WDR17: variants seen among roughly 807,000 people sequenced by gnomAD.
WDR17 encodes the protein WD repeat-containing protein 17.
A neutral mutation model predicts 161.7 loss-of-function variants in WDR17; 143 were observed. That is an observed-to-expected ratio of 0.88 (90% confidence interval 0.77 to 1.02). The LOEUF is 1.02. Ranked by LOEUF, WDR17 falls within the 50% of genes least tolerant of loss-of-function variation. WDR17 has a pLI of 0.00. For missense variants in WDR17, 1,469 were observed against 1,520.9 expected, an observed-to-expected ratio of 0.97 and a Z score of 0.57; for synonymous variants, 517 against 515.6, an observed-to-expected ratio of 1.00 and a Z score of -0.04.
At chr4:176,067,962 A>G (rs1171789899) in intron 1 of WDR17, among the ~76,000 whole-genome samples, 1 of 152,240 alleles carries the variant, frequency 6.6e-6, no homozygotes, top group African/African-American at 2.4e-5. Context: ...TTTGTTGCCT[A>G]AATACTTTAA....
chr4:176,111,835 T>C lies in WDR17; in HGVS notation c.123+132T>C. On this transcript the variant is annotated intron_variant, in intron 2 of 28. Coordinates refer to ENST00000508596, the MANE Select transcript of WDR17 (RefSeq NM_181265.4). ...CATTTATATTTATATTTTTAAAGTT[T>C]TGTGATTTATACCGTATAGGTTTTA... 3 of 894,730 alleles carry C rather than the reference T, an allele frequency of 3.4e-6. No individual in the cohort carries two copies. The South Asian group carries it at 1.2e-4, about 37-fold the overall frequency. The allele number at this position is 894,730 out of a possible 1,614,324, so 55.4% of individuals were successfully genotyped here.
At chr4:176,103,512 G>A (rs966287381) in intron 1 of WDR17, among the ~76,000 whole-genome samples, 1 of 151,946 alleles carries the variant, frequency 6.6e-6, no homozygotes, top group African/African-American at 2.4e-5. Flanking sequence ...TAAAACAACT[G>A]TCTTGGGATG....
chr4:176,167,631 C>T (rs1335602281), intron 22 of WDR17, among the ~76,000 whole-genome samples: 1 of 96,048 alleles, frequency 1.0e-5, no homozygotes, highest in Non-Finnish European at 1.8e-5. Context: ...TGGGCGACAG[C>T]GAGACTCCGT....
chr4:176,080,960 A>G (rs935102937), intron 1 of WDR17, among the ~76,000 whole-genome samples: 1 of 120,834 alleles, frequency 8.3e-6, no homozygotes, highest in African/African-American at 3.2e-5. Flanking sequence ...CTTTTAATAG[A>G]GCTTTATCGC....
intron 26 of WDR17, among the ~76,000 whole-genome samples, chr4:176,175,885 T>A (rs761914245): frequency 1.3e-5 from 2 of 152,140 alleles, no homozygotes; most frequent in Non-Finnish European, 2.9e-5. Flanking sequence ...TGAGTTCATA[T>A]GTGGCAGAGG....
chr4:176,161,705 A>G (rs1481052579), intron 20 of WDR17, among the ~76,000 whole-genome samples: 1 of 152,196 alleles, frequency 6.6e-6, no homozygotes, highest in African/African-American at 2.4e-5. Context: ...TGACATTTTA[A>G]AAAGCTAACA....
At chr4:176,086,368 A>C (rs1735418443) in intron 1 of WDR17, among the ~76,000 whole-genome samples, 1 of 151,798 alleles carries the variant, frequency 6.6e-6, no homozygotes, top group Non-Finnish European at 1.5e-5. Context: ...AGCTATTGAG[A>C]TTTGTTACTT....
chr4:176,099,701 C>T (rs1046501687), intron 1 of WDR17, among the ~76,000 whole-genome samples: 1 of 152,044 alleles, frequency 6.6e-6, no homozygotes, highest in Non-Finnish European at 1.5e-5. Flanking sequence ...GAATAATGTA[C>T]ATTGTACCAT....
chr4:176,131,005 CA>C (rs1161311881), intron 6 of WDR17, among the ~76,000 whole-genome samples: 1 of 151,616 alleles, frequency 6.6e-6, no homozygotes, highest in Non-Finnish European at 1.5e-5. Flanking sequence ...AAAAAACAAA[CA>C]AAAAAACATC....
intron 6 of WDR17, among the ~76,000 whole-genome samples, chr4:176,130,757 A>AG (rs1403608696): frequency 6.6e-6 from 1 of 151,954 alleles, no homozygotes; most frequent in African/African-American, 2.4e-5. Context: ...AAAAAAAAAA[A>AG]AAAAAACTGA....
At chr4:176,133,257 C>A (rs1432275090) in intron 7 of WDR17, among the ~76,000 whole-genome samples, 2 of 59,244 alleles carry the variant, frequency 3.4e-5, no homozygotes, top group Non-Finnish European at 6.8e-5. Flanking sequence ...TCTCCTCTCT[C>A]TAAAAAAAAA....
At chr4:176,114,919 G>A (rs1419078561) in intron 2 of WDR17, among the ~76,000 whole-genome samples, 3 of 151,646 alleles carry the variant, frequency 2.0e-5, no homozygotes. Flanking sequence ...GTGATCGGCT[G>A]TAATAGAGAA....
rs1468878586 is a variant in WDR17 at position 176,115,793 on chromosome 4, T to C, written c.124-3T>C. On this transcript the variant is annotated splice_region_variant and splice_polypyrimidine_tract_variant and intron_variant, in intron 2 of 28. Transcript: ENST00000508596. ...AATATTTTATTTATATATTTTGTTT[T>C]AGTTGGATCACCGTTATAATGAATT... is the stretch of plus-strand genomic sequence containing the variant. The C allele has an allele frequency of 6.3e-7, 1 of 1,584,998 alleles. No homozygotes were observed. Among genetic ancestry groups the C allele is most frequent in the Non-Finnish European group, 8.6e-7 (1 of 1,167,022 alleles).
intron 9 of WDR17, among the ~76,000 whole-genome samples, chr4:176,138,169 A>ATTTCATTTTGTACAATTTGAAAAATTG: frequency 6.6e-6 from 1 of 151,658 alleles, no homozygotes; most frequent in East Asian, 1.9e-4. Flanking sequence ...TATTTGAAAA[A>ATTTCATTTTGTACAATTTGAAAAATTG]TACATATGAT....
chr4:176,182,301 T>G lies in WDR17; in HGVS notation c.*2722T>G, dbSNP rs963289349. The G allele has an allele frequency of 4.0e-5, 6 of 151,868 alleles. No homozygotes were observed. Among genetic ancestry groups the G allele is most frequent in the African/African-American group, 1.4e-4 (6 of 41,410 alleles). 9.4% of individuals were successfully genotyped at this position (151,868 alleles called of 1,614,324 possible). On this transcript the variant is annotated 3_prime_UTR_variant, in exon 29 of 29. Coordinates refer to ENST00000508596, the MANE Select transcript of WDR17 (RefSeq NM_181265.4). This position sits in a 1 kb window ranked among gnomAD's most constrained non-coding sequence, Gnocchi z 4.2. ...TTACAACATCAAAATAGTTACATCT[T>G]GTGAAAATATATGATTTTTATGTCA... is the stretch of plus-strand genomic sequence containing the variant.
intron 1 of WDR17, among the ~76,000 whole-genome samples, chr4:176,069,311 T>G (rs1040631594): frequency 2.0e-5 from 3 of 152,022 alleles, no homozygotes; most frequent in African/African-American, 7.2e-5. Context: ...ACTTACAAAG[T>G]ATTGTTCAGT....
rs964653596 is a variant in WDR17, at chr4:176,179,183, G to T, written c.3733-277G>T. 2.0e-5 allele frequency among the ~76,000 whole-genome samples: 3 copies of T among 152,198 alleles called. No individual in the cohort carries two copies. The East Asian group carries it at 5.8e-4, about 29-fold the overall frequency. On this transcript the variant is annotated intron_variant, in intron 28 of 28. Transcript: ENST00000508596. Reference sequence around the variant, plus strand: ...GTTACCAGATTAACAAAACATATTTGTCATTGGCATTACTATTGTATTTAA... The same window carrying T: ...GTTACCAGATTAACAAAACATATTTTTCATTGGCATTACTATTGTATTTAA...
At chr4:176,093,089 T>C (rs1467291197) in intron 1 of WDR17, among the ~76,000 whole-genome samples, 2 of 151,950 alleles carry the variant, frequency 1.3e-5, no homozygotes, top group Non-Finnish European at 2.9e-5. Flanking sequence ...GTAGTCCCAT[T>C]AATAACAGCT....
In WDR17 at chr4:176,152,020, T is replaced by A. The variant is rs78585146; in HGVS notation, c.2460+53T>A. On this transcript the variant is annotated intron_variant, in intron 17 of 28. Transcript: ENST00000508596. ...GAGTTTAACATAGTAGTCTAAACGT[T>A]AAGAATATACTCAATTTTAAGTATT... The A allele has an allele frequency of 3.1e-3, 4,806 of 1,529,964 alleles. 128 individuals are homozygous for A. In the African/African-American group the frequency reaches 0.055, roughly 17 times the overall value. 94.8% of individuals were successfully genotyped at this position (1,529,964 alleles called of 1,614,324 possible).
Sources: allele counts gnomAD v4.1 joint callset (sites outside exome capture counted in the v4.1 genomes callset), GRCh38; gene constraint gnomAD v4.1.1; non-coding constraint Gnocchi (gnomAD v3.1); transcripts MANE v1.5; gene names NCBI Gene and HGNC (gene_info 2026-07-23, HGNC 2026-07-21).